Variants in VRK1 observed in about 807,000 individuals in gnomAD.
VRK1 encodes VRK serine/threonine kinase 1.
In VRK1, 33 loss-of-function variants were observed where a neutral mutation model predicts 57.1. The observed-to-expected ratio is 0.58, with a 90% CI of 0.44 to 0.77. The LOEUF is 0.77. Among genes scored for constraint, VRK1 ranks in the 30% least tolerant of loss-of-function variants. The pLI is 0.00. For missense variants in VRK1, 413 were observed against 477.3 expected (o/e 0.87, Z 1.25); for synonymous variants, 137 against 147.8 (o/e 0.93, Z 0.53).
chr14:96,808,875 C>T (rs1420287387), intron 1 of VRK1, among the ~76,000 whole-genome samples: 1 of 152,176 alleles, frequency 6.6e-6, no homozygotes, highest in African/African-American at 2.4e-5. Context: ...CTCATGGATT[C>T]TGTGGATTGG....
chr14:96,813,453 A>G (rs1467985416), intron 1 of VRK1, among the ~76,000 whole-genome samples: 1 of 152,048 alleles, frequency 6.6e-6, no homozygotes, highest in African/African-American at 2.4e-5. Flanking sequence ...TATATGTATT[A>G]TTTTCTTAGC....
intron 11 of VRK1, among the ~76,000 whole-genome samples, chr14:96,868,474 G>T (rs954926564): frequency 6.6e-6 from 1 of 152,150 alleles, no homozygotes; most frequent in Admixed American, 6.5e-5. Context: ...GCAGAAAACA[G>T]CCCTTTTGTA....
intron 1 of VRK1, among the ~76,000 whole-genome samples, chr14:96,829,687 G>A (rs2139739798): frequency 6.6e-6 from 1 of 152,222 alleles, no homozygotes; most frequent in East Asian, 1.9e-4. Context: ...ACAAAATCAA[G>A]TATCACAATA....
chr14:96,805,619 T>C (rs1203033935), intron 1 of VRK1, among the ~76,000 whole-genome samples: 2 of 152,174 alleles, frequency 1.3e-5, no homozygotes, highest in African/African-American at 2.4e-5. Context: ...ATTTTAAAAA[T>C]AATCAGTCAA....
chr14:96,814,504 A>G (rs1475879694), intron 1 of VRK1, among the ~76,000 whole-genome samples: 1 of 152,180 alleles, frequency 6.6e-6, no homozygotes, highest in Admixed American at 6.5e-5. Flanking sequence ...AAATACCTCA[A>G]TTGAAAAATT....
At chr14:96,867,702 T>C (rs539542629) in intron 11 of VRK1, among the ~76,000 whole-genome samples, 4 of 152,300 alleles carry the variant, frequency 2.6e-5, no homozygotes, top group African/African-American at 9.6e-5. Flanking sequence ...TTTCTCCATG[T>C]CTCCTAACTC....
chr14:96,876,626 T>C (rs2074716710), intron 12 of VRK1, among the ~76,000 whole-genome samples: 2 of 152,192 alleles, frequency 1.3e-5, no homozygotes, highest in Admixed American at 6.5e-5. Context: ...CTGGGTATGA[T>C]AGTGAGTGTC....
chr14:96,799,637 A>G (rs1401093489), intron 1 of VRK1, among the ~76,000 whole-genome samples: 1 of 152,256 alleles, frequency 6.6e-6, no homozygotes, highest in East Asian at 1.9e-4. Context: ...ATCTCCGTAG[A>G]TCAGGCAGTG....
intron 11 of VRK1, among the ~76,000 whole-genome samples, chr14:96,862,314 G>A (rs1888421929): frequency 1.3e-5 from 2 of 151,958 alleles, no homozygotes; most frequent in South Asian, 2.1e-4. Flanking sequence ...GCTTCATTTA[G>A]GGGAAAAAAA....
intron 1 of VRK1, among the ~76,000 whole-genome samples, chr14:96,829,701 T>G (rs1463186979): frequency 6.6e-6 from 1 of 152,198 alleles, no homozygotes; most frequent in Non-Finnish European, 1.5e-5. Flanking sequence ...CACAATATGA[T>G]TTCTGGAAAG....
chr14:96,862,511 CT>C (rs5810783), intron 11 of VRK1, among the ~76,000 whole-genome samples: 35 of 141,980 alleles, frequency 2.5e-4, no homozygotes, highest in South Asian at 1.1e-3. Flanking sequence ...ATTTTGTTAG[CT>C]TTTTTTTTTT....
At position 96,837,797 on chromosome 14, in the gene VRK1, G is replaced by A; in HGVS notation, c.196G>A (p.Ala66Thr). The part of the protein sequence containing the change: ...MNSSESVGSD[A>T]PCVVKVEPSD... ...TTCTTCAGAGTCAGTTGGCAGTGAT[G>A]CACCTTGTGTTGTAAAAGTGGTAAG... is the stretch of plus-strand genomic sequence containing the variant. The change falls in exon 3 of 13, where the codon GCA (alanine) becomes ACA (threonine). Residue 66 changes from alanine to threonine, a missense_variant. This residue lies in a region of VRK1 where 116 missense variants were observed against 113.6 expected (regional missense o/e 1.02). Coordinates refer to ENST00000216639, the MANE Select transcript of VRK1 (RefSeq NM_003384.3). 2 of 1,564,794 alleles carry A rather than the reference G, an allele frequency of 1.3e-6. No homozygotes were observed. Among genetic ancestry groups the A allele is most frequent in the South Asian group, 1.2e-5 (1 of 80,112 alleles).
At chr14:96,839,459 G>A (rs566917185) in intron 3 of VRK1, among the ~76,000 whole-genome samples, 2 of 151,812 alleles carry the variant, frequency 1.3e-5, no homozygotes, top group Non-Finnish European at 2.9e-5. Flanking sequence ...TGTACACATT[G>A]GCCAATAATA....
intron 10 of VRK1, among the ~76,000 whole-genome samples, chr14:96,859,876 G>A (rs554203704): frequency 1.2e-4 from 18 of 152,262 alleles, no homozygotes; most frequent in African/African-American, 4.1e-4. Context: ...CCAAGGACCA[G>A]TATATGAAAT....
At chr14:96,817,779 T>C (rs542377235) in intron 1 of VRK1, among the ~76,000 whole-genome samples, 1 of 152,366 alleles carries the variant, frequency 6.6e-6, no homozygotes, top group Non-Finnish European at 1.5e-5. Flanking sequence ...CTAAGTGTTA[T>C]GTAAAAGTAT....
At chr14:96,830,443 T>C (rs1038200832) in intron 1 of VRK1, among the ~76,000 whole-genome samples, 18 of 152,268 alleles carry the variant, frequency 1.2e-4, no homozygotes, top group Admixed American at 5.9e-4. Flanking sequence ...TTTACTCTTA[T>C]GTTCCTTCTC....
At chr14:96,871,355 GACA>G (rs1301106704) in intron 11 of VRK1, among the ~76,000 whole-genome samples, 2 of 152,124 alleles carry the variant, frequency 1.3e-5, no homozygotes, top group Non-Finnish European at 2.9e-5. Context: ...TAAACAAGTA[GACA>G]ACAACAACAA....
intron 7 of VRK1, among the ~76,000 whole-genome samples, chr14:96,854,630 G>A (rs1361164085): frequency 6.6e-6 from 1 of 152,094 alleles, no homozygotes; most frequent in Admixed American, 6.6e-5. Flanking sequence ...TGAAGACTTG[G>A]CTTTAGAATA....
At chr14:96,877,361 G>A (rs1773524550) in intron 12 of VRK1, 1 of 452,344 alleles carries the variant, frequency 2.2e-6, no homozygotes, top group Non-Finnish European at 3.9e-6. Flanking sequence ...AAGAATACTT[G>A]AGATACCTGA....
Sources: gnomAD v4.1 joint callset for allele counts (sites outside exome capture counted in the v4.1 genomes callset) on GRCh38, gnomAD v4.1.1 for gene constraint, gnomAD v4.1.1 regional missense constraint, MANE v1.5 for transcripts, NCBI Gene and HGNC (gene_info 2026-07-23, HGNC 2026-07-21) for gene names.